CLSTN2: variants seen among roughly 807,000 people sequenced by gnomAD.
CLSTN2 encodes the protein calsyntenin-2.
A neutral mutation model predicts 101.2 loss-of-function variants in CLSTN2; 48 were observed. The observed-to-expected ratio is 0.47, with a 90% confidence interval of 0.38 to 0.60. CLSTN2 has a LOEUF of 0.60. CLSTN2 is among the 20% of genes least tolerant of loss of function. CLSTN2 has a pLI of 0.00. For synonymous variants in CLSTN2, 481 were observed against 463.6 expected, an observed-to-expected ratio of 1.04 and a Z score of -0.48; for missense variants, 1,160 against 1,238.2, an observed-to-expected ratio of 0.94 and a Z score of 0.95.
At position 140,104,899 on chromosome 3, in the gene CLSTN2, G is replaced by A. The variant is rs2009026528; in HGVS notation, c.110-71052G>A. On this transcript the variant is annotated intron_variant, in intron 1 of 16. Coordinates refer to ENST00000458420, the MANE Select transcript of CLSTN2 (RefSeq NM_022131.3). Reference sequence around the variant, plus strand: ...AGGCTGAGGCACAAGAATCACTTGAGCTTCAGAGGCGGAGGTTGCAGTGAG... The same window carrying A: ...AGGCTGAGGCACAAGAATCACTTGAACTTCAGAGGCGGAGGTTGCAGTGAG... Among the ~76,000 whole-genome samples, 6 of 152,188 alleles carry A rather than the reference G, an allele frequency of 3.9e-5. 1 individual carries two copies. The highest frequency in any genetic ancestry group is 3.9e-4 in the Admixed American group (6 of 15,284).
At chr3:140,298,240 C>A (rs902928537) in intron 2 of CLSTN2, among the ~76,000 whole-genome samples, 2 of 152,112 alleles carry the variant, frequency 1.3e-5, no homozygotes, top group Non-Finnish European at 2.9e-5. Context: ...TATGTGTAAA[C>A]CTCAGTTTCC....
At chr3:139,994,424 G>C (rs971032692) in intron 1 of CLSTN2, among the ~76,000 whole-genome samples, 3 of 152,186 alleles carry the variant, frequency 2.0e-5, no homozygotes, top group Non-Finnish European at 4.4e-5. Flanking sequence ...AGGAAACTGA[G>C]AAATGATGCC....
At chr3:140,284,279 A>G (rs2107898747) in intron 2 of CLSTN2, among the ~76,000 whole-genome samples, 1 of 152,254 alleles carries the variant, frequency 6.6e-6, no homozygotes, top group South Asian at 2.1e-4. Context: ...TTGGGTTTCT[A>G]ATTTATTTCT....
chr3:140,300,081 A>G (rs916189960), intron 2 of CLSTN2, among the ~76,000 whole-genome samples: 1 of 152,204 alleles, frequency 6.6e-6, no homozygotes, highest in Non-Finnish European at 1.5e-5. Flanking sequence ...ACTGGGAGCT[A>G]TTGCCCAGAA....
At chr3:140,118,431 C>A (rs768855728) in intron 1 of CLSTN2, among the ~76,000 whole-genome samples, 16 of 152,160 alleles carry the variant, frequency 1.1e-4, no homozygotes, top group Non-Finnish European at 2.1e-4. Flanking sequence ...GGTCTCATCG[C>A]TGCTGGGACC....
At chr3:140,242,644 T>C (rs923898737) in intron 2 of CLSTN2, among the ~76,000 whole-genome samples, 4 of 152,204 alleles carry the variant, frequency 2.6e-5, no homozygotes, top group African/African-American at 9.6e-5. Flanking sequence ...AGCCATCACC[T>C]TCTCCTGCGG....
chr3:140,023,436 C>T lies in CLSTN2; in HGVS notation c.109+87953C>T, dbSNP rs376488992. ...GGGGTAGAGTAGACAGAGGAGAACT[C>T]GCTCAACAGTTCAGAGTGAGGAGGA... On this transcript the variant is annotated intron_variant, in intron 1 of 16. Coordinates refer to ENST00000458420, the MANE Select transcript of CLSTN2 (RefSeq NM_022131.3). Among the ~76,000 whole-genome samples the T allele has an allele frequency of 2.0e-4, 31 of 152,280 alleles. 1 individual carries two copies. The East Asian group carries it at 3.5e-3, about 17-fold the overall frequency.
intron 1 of CLSTN2, among the ~76,000 whole-genome samples, chr3:140,045,371 T>G (rs1226883048): frequency 1.3e-5 from 2 of 152,182 alleles, no homozygotes; most frequent in African/African-American, 4.8e-5. Context: ...GGTGGTGATA[T>G]CCCCTTTATC....
chr3:140,146,077 C>A (rs992279745), intron 1 of CLSTN2, among the ~76,000 whole-genome samples: 5 of 152,232 alleles, frequency 3.3e-5, no homozygotes, highest in Admixed American at 2.0e-4. Flanking sequence ...CCTGAGCCCA[C>A]CTGTCACCCT....
At chr3:139,986,705 T>G (rs1176139534) in intron 1 of CLSTN2, among the ~76,000 whole-genome samples, 3 of 152,178 alleles carry the variant, frequency 2.0e-5, no homozygotes, top group African/African-American at 7.2e-5. Flanking sequence ...TATTGTTTGA[T>G]CGTGCTCAGC....
At chr3:140,422,334 T>A (rs1339497105) in intron 5 of CLSTN2, among the ~76,000 whole-genome samples, 1 of 152,172 alleles carries the variant, frequency 6.6e-6, no homozygotes, top group Non-Finnish European at 1.5e-5. Flanking sequence ...TTTGAATGAC[T>A]GTCTTTTAGT....
intron 2 of CLSTN2, among the ~76,000 whole-genome samples, chr3:140,320,694 C>T (rs2087274713): frequency 6.6e-6 from 1 of 151,610 alleles, no homozygotes; most frequent in Non-Finnish European, 1.5e-5. Flanking sequence ...CTATTGACTC[C>T]CCCTTCCAAA....
At chr3:139,946,535 A>G (rs2107808578) in intron 1 of CLSTN2, among the ~76,000 whole-genome samples, 1 of 152,238 alleles carries the variant, frequency 6.6e-6, no homozygotes, top group East Asian at 1.9e-4. Flanking sequence ...CTTGAACAAG[A>G]CCTTGGGATG....
At chr3:140,253,391 T>A (rs1281841476) in intron 2 of CLSTN2, among the ~76,000 whole-genome samples, 2 of 152,196 alleles carry the variant, frequency 1.3e-5, no homozygotes, top group Non-Finnish European at 2.9e-5. Context: ...CCATCTACTG[T>A]GCATGTGGCA....
intron 1 of CLSTN2, among the ~76,000 whole-genome samples, chr3:139,984,177 C>A (rs1041102164): frequency 2.6e-5 from 4 of 152,130 alleles, no homozygotes; most frequent in Admixed American, 2.6e-4. Flanking sequence ...AGTGGAGACA[C>A]CCACTGCGTG....
chr3:140,071,673 T>C (rs1051746848), intron 1 of CLSTN2, among the ~76,000 whole-genome samples: 8 of 151,462 alleles, frequency 5.3e-5, no homozygotes, highest in African/African-American at 1.5e-4. Context: ...CTACTAAAAA[T>C]ACAAAAAATT....
intron 2 of CLSTN2, among the ~76,000 whole-genome samples, chr3:140,343,749 G>C (rs115298456): frequency 0.016 from 2,421 of 152,178 alleles, 26 homozygotes; most frequent in Non-Finnish European, 0.021. Context: ...AAGTTTATAC[G>C]GTTATTCTAA....
At chr3:140,208,134 AT>A (rs760020440) in intron 2 of CLSTN2, among the ~76,000 whole-genome samples, 21 of 152,102 alleles carry the variant, frequency 1.4e-4, no homozygotes, top group African/African-American at 4.3e-4. Flanking sequence ...ATGTTTTATC[AT>A]TTTTTTCATT....
At chr3:140,311,971 A>T (rs1246438294) in intron 2 of CLSTN2, among the ~76,000 whole-genome samples, 1 of 152,220 alleles carries the variant, frequency 6.6e-6, no homozygotes, top group African/African-American at 2.4e-5. Context: ...AGTGTTCTTC[A>T]ATTCTCATTA....
Sources: allele counts gnomAD v4.1 joint callset (sites outside exome capture counted in the v4.1 genomes callset), GRCh38; gene constraint gnomAD v4.1.1; transcripts MANE v1.5; gene names NCBI Gene and HGNC (gene_info 2026-07-23, HGNC 2026-07-21).